The following EMP2 variants were observed in gnomAD, a reference collection of about 807,000 sequenced individuals.
EMP2 encodes the protein epithelial membrane protein 2.
EMP2 carries 19 observed loss-of-function variants against 13.7 expected under a neutral mutation model. The observed-to-expected ratio is 1.38, with a 90% CI of 0.97 to 2.03. The LOEUF (loss-of-function observed/expected upper bound fraction) is 2.03, where lower values mean the gene tolerates loss of function less well. Ranked by LOEUF, EMP2 falls within the 30% of genes most tolerant of loss-of-function variation. EMP2 has a pLI of 0.00. For synonymous variants in EMP2, 97 were observed against 84.7 expected (o/e 1.15, Z -0.80); for missense variants, 253 against 220.7 (o/e 1.15, Z -0.93).
rs188055120 is a variant in EMP2, at chr16:10,532,337, C to T, written c.*568G>A. On this transcript the variant is annotated 3_prime_UTR_variant, in exon 5 of 5. Coordinates refer to ENST00000359543, the MANE Select transcript of EMP2 (RefSeq NM_001424.6). The stretch of plus-strand genomic sequence containing the variant: ...GACTTTTTCTGACCCACCCCGATAC[C>T]GGAGGGATGGCTGGGCTCTGGTTTG... 8 of 153,044 alleles carry T rather than the reference C, an allele frequency of 5.2e-5. No individual in the cohort carries two copies. Among genetic ancestry groups the T allele is most frequent in the East Asian group, 3.9e-4 (2 of 5,188 alleles). The allele number at this position is 153,044 out of a possible 1,614,324, so 9.5% of individuals were successfully genotyped here.
At position 10,543,667 on chromosome 16, in the gene EMP2, C is replaced by A. The variant is rs2050718321; in HGVS notation, c.79-7G>T. 1 of 1,614,040 alleles carries A rather than the reference C, an allele frequency of 6.2e-7. No individual in the cohort carries two copies. Among genetic ancestry groups the A allele is most frequent in the African/African-American group, 1.3e-5 (1 of 75,056 alleles). Reference sequence around the variant, plus strand: ...CATCTCCTACCCACCAGGCCTGTAACACAAAATGGAAATAGAGAGAAAGGC... The same window carrying A: ...CATCTCCTACCCACCAGGCCTGTAAAACAAAATGGAAATAGAGAGAAAGGC... On this transcript the variant is annotated splice_polypyrimidine_tract_variant and splice_region_variant and intron_variant, in intron 2 of 4. Transcript: ENST00000359543.
At chr16:10,534,324 G>A (rs1338816270) in intron 4 of EMP2, among the ~76,000 whole-genome samples, 1 of 152,202 alleles carries the variant, frequency 6.6e-6, no homozygotes, top group Non-Finnish European at 1.5e-5. Context: ...GAGCGGAAGT[G>A]CTTGACGCAG....
intron 1 of EMP2, among the ~76,000 whole-genome samples, chr16:10,571,255 C>CAAAAA (rs58665715): frequency 3.0e-5 from 1 of 33,416 alleles, no homozygotes; most frequent in African/African-American, 8.9e-5. Context: ...GACTCCGTCT[C>CAAAAA]AAAAAAAAAA....
At chr16:10,537,057 G>A (rs2050652551) in intron 4 of EMP2, among the ~76,000 whole-genome samples, 1 of 152,160 alleles carries the variant, frequency 6.6e-6, no homozygotes, top group South Asian at 2.1e-4. Flanking sequence ...GGAGGTGGTA[G>A]TTAGAGTGGT....
At position 10,543,682 on chromosome 16, in the gene EMP2, G is replaced by A. The variant is rs894629480; in HGVS notation, c.79-22C>T. On this transcript the variant is annotated intron_variant, in intron 2 of 4. Coordinates refer to ENST00000359543, the MANE Select transcript of EMP2 (RefSeq NM_001424.6). Reference sequence around the variant, plus strand: ...AGGCCTGTAACACAAAATGGAAATAGAGAGAAAGGCCGTCCGTTCATGATG... The same window carrying A: ...AGGCCTGTAACACAAAATGGAAATAAAGAGAAAGGCCGTCCGTTCATGATG... The A allele has an allele frequency of 3.1e-6, 5 of 1,612,312 alleles. No homozygotes were observed. In the South Asian group the frequency reaches 4.4e-5, roughly 14 times the overall value.
At chr16:10,579,474 T>G (rs2051008289) in intron 1 of EMP2, among the ~76,000 whole-genome samples, 2 of 152,284 alleles carry the variant, frequency 1.3e-5, no homozygotes, top group Admixed American at 6.5e-5. Context: ...ATTGCCACTA[T>G]GTATACCCAA....
chr16:10,567,227 C>T (rs2050912211), intron 1 of EMP2, among the ~76,000 whole-genome samples: 2 of 152,198 alleles, frequency 1.3e-5, no homozygotes, highest in African/African-American at 4.8e-5. Context: ...TGTCCCCGTG[C>T]CCAGCACAGT....
chr16:10,560,474 A>G (rs2050863381), intron 1 of EMP2, among the ~76,000 whole-genome samples: 1 of 152,238 alleles, frequency 6.6e-6, no homozygotes, highest in South Asian at 2.1e-4. Context: ...TGGCAGAGCC[A>G]GGGCTCTAAT....
In EMP2 at chr16:10,547,575, A is replaced by G; in HGVS notation, c.43T>C (p.Ser15Pro). 6.2e-7 allele frequency: 1 copy of G among 1,614,156 alleles called. No individual in the cohort carries two copies. Among genetic ancestry groups the G allele is most frequent in the Non-Finnish European group, 8.5e-7 (1 of 1,180,036 alleles). The change falls in exon 2 of 5, where the codon TCT becomes CCT. Residue 15 changes from serine to proline, a missense_variant. Coordinates refer to ENST00000359543, the MANE Select transcript of EMP2 (RefSeq NM_001424.6). ...GTGGCAATGAACAGCAAGGCTGCAG[A>G]GGTGATGTGGAAGGCGATGATGAAA... Reference protein sequence around the residue: ...LAFIIAFHITSAALLFIATVD... With the variant: ...LAFIIAFHITPAALLFIATVD...
chr16:10,561,461 G>A (rs1317588007), intron 1 of EMP2, among the ~76,000 whole-genome samples: 1 of 152,104 alleles, frequency 6.6e-6, no homozygotes, highest in East Asian at 1.9e-4. Context: ...GAAGAGAGAA[G>A]GCCAGGGAAG....
At chr16:10,535,369 C>T (rs2050638938) in intron 4 of EMP2, among the ~76,000 whole-genome samples, 1 of 152,016 alleles carries the variant, frequency 6.6e-6, no homozygotes, top group Non-Finnish European at 1.5e-5. Flanking sequence ...TTCCTAAATA[C>T]ATATATTAGG....
chr16:10,565,149 G>C (rs190233119), intron 1 of EMP2, among the ~76,000 whole-genome samples: 1 of 152,300 alleles, frequency 6.6e-6, no homozygotes, highest in East Asian at 1.9e-4. Flanking sequence ...TCTTTGAAGA[G>C]GTGAAAGAGA....
intron 3 of EMP2, among the ~76,000 whole-genome samples, chr16:10,540,359 A>C (rs2050684884): frequency 6.6e-6 from 1 of 152,038 alleles, no homozygotes; most frequent in African/African-American, 2.4e-5. Context: ...TACAAAAATT[A>C]GCTGGGTGTG....
At chr16:10,566,597 C>T (rs2050908378) in intron 1 of EMP2, among the ~76,000 whole-genome samples, 1 of 152,346 alleles carries the variant, frequency 6.6e-6, no homozygotes, top group South Asian at 2.1e-4. Context: ...ATGAATCCCA[C>T]TGTGCAGAAA....
chr16:10,578,648 C>T (rs902251162), intron 1 of EMP2, among the ~76,000 whole-genome samples: 1 of 152,228 alleles, frequency 6.6e-6, no homozygotes, highest in African/African-American at 2.4e-5. Flanking sequence ...TGGTCGACTC[C>T]GTGGTTTCCA....
At chr16:10,559,737 C>G (rs1030616904) in intron 1 of EMP2, among the ~76,000 whole-genome samples, 1 of 152,112 alleles carries the variant, frequency 6.6e-6, no homozygotes. Flanking sequence ...TGCCATGGTG[C>G]GATCTCAGCT....
intron 3 of EMP2, among the ~76,000 whole-genome samples, chr16:10,541,095 A>G (rs910997262): frequency 1.1e-4 from 11 of 101,528 alleles, no homozygotes; most frequent in African/African-American, 4.2e-4. Flanking sequence ...TTCAAACGGA[A>G]AAAAAAAAAA....
chr16:10,548,040 AG>A (rs2050753316), intron 1 of EMP2, among the ~76,000 whole-genome samples: 1 of 152,218 alleles, frequency 6.6e-6, no homozygotes, highest in African/African-American at 2.4e-5. Flanking sequence ...TCTGTTAAAA[AG>A]AAAAGGCAAC....
chr16:10,556,871 A>C (rs1466148641), intron 1 of EMP2, among the ~76,000 whole-genome samples: 1 of 152,186 alleles, frequency 6.6e-6, no homozygotes, highest in Non-Finnish European at 1.5e-5. Flanking sequence ...TCACATGCTT[A>C]GGGCCTGGTG....
Sources: gnomAD v4.1 joint callset for allele counts (sites outside exome capture counted in the v4.1 genomes callset) on GRCh38, gnomAD v4.1.1 for gene constraint, MANE v1.5 for transcripts, NCBI Gene and HGNC (gene_info 2026-07-23, HGNC 2026-07-21) for gene names.